The following CALN1 variants were observed in gnomAD, a reference collection of about 807,000 sequenced individuals.
CALN1 encodes the protein calneuron 1.
CALN1 carries 17 observed loss-of-function variants against 30.6 expected under a neutral mutation model. The ratio of observed to expected loss-of-function variants is 0.56; its 90% confidence interval spans 0.38 to 0.83. The LOEUF is 0.83. Ranked by LOEUF, CALN1 falls within the 40% of genes least tolerant of loss-of-function variation. CALN1 has a pLI of 0.00. For missense variants in CALN1, 291 were observed against 354.9 expected, an observed-to-expected ratio of 0.82 and a Z score of 1.45; for synonymous variants, 156 against 131.4, an observed-to-expected ratio of 1.19 and a Z score of -1.28.
At chr7:72,132,055 T>A (rs1295716516) in intron 3 of CALN1, among the ~76,000 whole-genome samples, 1 of 152,190 alleles carries the variant, frequency 6.6e-6, no homozygotes, top group East Asian at 1.9e-4. Context: ...GCAATATATG[T>A]TTATTGATAT....
intron 5 of CALN1, among the ~76,000 whole-genome samples, chr7:71,876,961 C>G (rs771478533): frequency 6.6e-6 from 1 of 152,106 alleles, no homozygotes; most frequent in Non-Finnish European, 1.5e-5. Flanking sequence ...ATCAGACTTA[C>G]GTTGTGTTCA....
chr7:72,375,193 C>T (rs1804485505), intron 2 of CALN1, among the ~76,000 whole-genome samples: 1 of 152,132 alleles, frequency 6.6e-6, no homozygotes, highest in African/African-American at 2.4e-5. Flanking sequence ...GCCCAGCTGG[C>T]TCTTTTCTCA....
chr7:72,399,089 T>C (rs1337776816), intron 2 of CALN1, among the ~76,000 whole-genome samples: 5 of 151,906 alleles, frequency 3.3e-5, no homozygotes, highest in Admixed American at 6.6e-5. Context: ...ACAGGTCACC[T>C]CCTCCAGATG....
rs528558594 is a variant in CALN1, at chr7:72,305,232, C to T, written c.120-26422G>A. ...GCAAACCTTCAGGTAATTAGATGAA[C>T]GCTCCTGCTGGAAGAAATCCTGCAC... On this transcript the variant is annotated intron_variant, in intron 2 of 6. Transcript: ENST00000395275. Among the ~76,000 whole-genome samples, 3 of 152,314 alleles carry T rather than the reference C, an allele frequency of 2.0e-5. No homozygotes were observed. The South Asian group carries it at 6.2e-4, about 32-fold the overall frequency.
intron 5 of CALN1, among the ~76,000 whole-genome samples, chr7:71,842,876 T>C (rs910348444): frequency 1.3e-5 from 2 of 152,204 alleles, no homozygotes; most frequent in African/African-American, 4.8e-5. Flanking sequence ...ATAACTACAT[T>C]AGACTGTCAT....
rs147997137 is a variant in CALN1, at chr7:72,171,542, A to C, written c.245-65248T>G. Among the ~76,000 whole-genome samples the C allele has an allele frequency of 1.4e-3, 206 of 152,320 alleles. 1 individual carries two copies. Among genetic ancestry groups the C allele is most frequent in the African/African-American group, 4.7e-3 (197 of 41,568 alleles). ...CAAATGGCTGACAAATGAACAAATA[A>C]ATCAATGAAGGAAAAACATCTGAAA... On this transcript the variant is annotated intron_variant, in intron 3 of 6. Coordinates refer to ENST00000395275, the MANE Select transcript of CALN1 (RefSeq NM_031468.4).
At chr7:72,136,558 A>C (rs1426553229) in intron 3 of CALN1, among the ~76,000 whole-genome samples, 2 of 152,202 alleles carry the variant, frequency 1.3e-5, no homozygotes, top group African/African-American at 4.8e-5. Context: ...CTAGAGTGGC[A>C]CTTTTAATTT....
At chr7:72,165,861 A>C (rs986239954) in intron 3 of CALN1, among the ~76,000 whole-genome samples, 3 of 152,042 alleles carry the variant, frequency 2.0e-5, no homozygotes, top group Non-Finnish European at 4.4e-5. Context: ...ATTGCACTGC[A>C]TTTTATCAAT....
At chr7:72,364,189 C>A (rs1240134166) in intron 2 of CALN1, among the ~76,000 whole-genome samples, 1 of 152,046 alleles carries the variant, frequency 6.6e-6, no homozygotes, top group Non-Finnish European at 1.5e-5. Flanking sequence ...TAAGAAAATA[C>A]TTTTGTAAAG....
intron 2 of CALN1, among the ~76,000 whole-genome samples, chr7:72,373,263 G>A (rs1236005823): frequency 6.6e-6 from 1 of 152,080 alleles, no homozygotes; most frequent in Non-Finnish European, 1.5e-5. Context: ...AGGGGCCTGT[G>A]GAAAAATTCC....
intron 2 of CALN1, among the ~76,000 whole-genome samples, chr7:72,346,752 G>A (rs918202438): frequency 6.6e-6 from 1 of 152,126 alleles, no homozygotes; most frequent in Non-Finnish European, 1.5e-5. Flanking sequence ...CTGACCTCAA[G>A]TGATCCACCC....
chr7:72,403,423 T>G lies in CALN1; in HGVS notation c.-54A>C. On this transcript the variant is annotated 5_prime_UTR_variant, in exon 2 of 7. Transcript: ENST00000395275. ...GAGTTAGAAGCTCATCAAAGGAACG[T>G]CAGCGAAGGCACTGAGACTCTGAAA... 1 of 1,409,526 alleles carries G rather than the reference T, an allele frequency of 7.1e-7. No individual in the cohort carries two copies. Among genetic ancestry groups the G allele is most frequent in the Non-Finnish European group, 9.6e-7 (1 of 1,036,842 alleles). The allele number at this position is 1,409,526 out of a possible 1,614,324, so 87.3% of individuals were successfully genotyped here. A position where few individuals can be genotyped will look rare whatever the true frequency, so the allele number is the denominator to read the frequency against.
At chr7:71,866,842 C>T (rs1433129901) in intron 5 of CALN1, among the ~76,000 whole-genome samples, 3 of 152,044 alleles carry the variant, frequency 2.0e-5, no homozygotes, top group Non-Finnish European at 4.4e-5. Flanking sequence ...GATAATTTGT[C>T]TACTAGAAAA....
chr7:72,474,377 T>TGC, the CALN1 span, among the ~76,000 whole-genome samples: 1 of 152,168 alleles, frequency 6.6e-6, no homozygotes, highest in Non-Finnish European at 1.5e-5. Context: ...GAGATGGACC[T>TGC]GCATGCAGTG....
At chr7:71,819,996 C>A (rs915972787) in intron 5 of CALN1, among the ~76,000 whole-genome samples, 2 of 152,226 alleles carry the variant, frequency 1.3e-5, no homozygotes, top group Admixed American at 1.3e-4. Flanking sequence ...ACTCATTATA[C>A]CCTCCTCCCT....
intron 4 of CALN1, among the ~76,000 whole-genome samples, chr7:72,054,980 A>T (rs1803160019): frequency 6.6e-6 from 1 of 152,214 alleles, no homozygotes; most frequent in Non-Finnish European, 1.5e-5. Context: ...GGAGACTAAG[A>T]TCCCTGAGGT....
intron 5 of CALN1, among the ~76,000 whole-genome samples, chr7:71,875,313 GT>G: frequency 1.3e-5 from 2 of 152,276 alleles, no homozygotes; most frequent in Middle Eastern, 6.8e-3. Flanking sequence ...TGAAGTATGG[GT>G]CACACCCAAG....
At chr7:72,330,158 T>C (rs1801565434) in intron 2 of CALN1, among the ~76,000 whole-genome samples, 1 of 151,888 alleles carries the variant, frequency 6.6e-6, no homozygotes, top group Admixed American at 6.6e-5. Context: ...CTGGGCGTGG[T>C]GGCGGGCGCC....
At chr7:72,388,369 C>CA (rs199592264) in intron 2 of CALN1, among the ~76,000 whole-genome samples, 351 of 150,636 alleles carry the variant, frequency 2.3e-3, no homozygotes, top group Middle Eastern at 3.4e-3. Context: ...AGGAAAAATG[C>CA]AAAAAAAACA....
Sources: allele counts gnomAD v4.1 joint callset (sites outside exome capture counted in the v4.1 genomes callset), GRCh38; gene constraint gnomAD v4.1.1; transcripts MANE v1.5; gene names NCBI Gene and HGNC (gene_info 2026-07-23, HGNC 2026-07-21).